The following UTRN variants were observed in gnomAD, a reference collection of about 807,000 sequenced individuals.
UTRN encodes the protein dystrophin-related protein 1.
A neutral mutation model predicts 463.9 loss-of-function variants in UTRN; 283 were observed. The ratio of observed to expected loss-of-function variants is 0.61; its 90% CI spans 0.55 to 0.67. UTRN has a LOEUF of 0.67. UTRN is among the 30% of genes least tolerant of loss of function. The pLI is 0.00. For missense variants in UTRN, 3,922 were observed against 4,084.3 expected (o/e 0.96, Z 1.08); for synonymous variants, 1,442 against 1,431.5 (o/e 1.01, Z -0.17).
chr6:144,778,283 G>A (rs1294753719), intron 60 of UTRN, among the ~76,000 whole-genome samples: 1 of 152,126 alleles, frequency 6.6e-6, no homozygotes, highest in African/African-American at 2.4e-5. Context: ...TTGGTAAATT[G>A]TGGCAGGTAG....
At chr6:144,673,814 A>C (rs1001765286) in intron 51 of UTRN, among the ~76,000 whole-genome samples, 2 of 152,136 alleles carry the variant, frequency 1.3e-5, no homozygotes, top group Non-Finnish European at 2.9e-5. Context: ...AGCACCTTTT[A>C]TGATTTCTCG....
At position 144,531,041 on chromosome 6, in the gene UTRN, T is replaced by C. The variant is rs1797012480; in HGVS notation, c.5907-11T>C. Reference sequence around the variant, plus strand: ...TTGGAAACCTATTTTATTTTGTGTATTGTCCTCTAGTTGTTTTGACAGGGC... The same window carrying C: ...TTGGAAACCTATTTTATTTTGTGTACTGTCCTCTAGTTGTTTTGACAGGGC... On this transcript the variant is annotated splice_polypyrimidine_tract_variant and intron_variant, in intron 41 of 74. Coordinates refer to ENST00000367545, the MANE Select transcript of UTRN (RefSeq NM_007124.3). 1 of 1,610,534 alleles carries C rather than the reference T, an allele frequency of 6.2e-7. No homozygotes were observed. Among genetic ancestry groups the C allele is most frequent in the Non-Finnish European group, 8.5e-7 (1 of 1,178,158 alleles).
At chr6:144,732,819 A>T (rs865969560) in intron 54 of UTRN, among the ~76,000 whole-genome samples, 1 of 152,014 alleles carries the variant, frequency 6.6e-6, no homozygotes, top group Non-Finnish European at 1.5e-5. Flanking sequence ...TCAAGTGATC[A>T]ATCCTCCCAC....
intron 39 of UTRN, among the ~76,000 whole-genome samples, chr6:144,520,362 G>C (rs1228324308): frequency 1.3e-5 from 2 of 151,906 alleles, no homozygotes; most frequent in African/African-American, 4.8e-5. Context: ...ATTCATAACT[G>C]GTTTCTGGGT....
At chr6:144,339,836 A>G (rs1441224081) in intron 2 of UTRN, among the ~76,000 whole-genome samples, 1 of 152,140 alleles carries the variant, frequency 6.6e-6, no homozygotes, top group African/African-American at 2.4e-5. Flanking sequence ...TTATATTCTG[A>G]TCTGAGAAAA....
chr6:144,328,847 G>A (rs1220266987), intron 2 of UTRN, among the ~76,000 whole-genome samples: 2 of 151,934 alleles, frequency 1.3e-5, no homozygotes, highest in Non-Finnish European at 2.9e-5. Context: ...GCAGTGGTGC[G>A]ATCTTGGCTC....
At chr6:144,759,468 G>A (rs1030636117) in intron 58 of UTRN, among the ~76,000 whole-genome samples, 7 of 152,004 alleles carry the variant, frequency 4.6e-5, no homozygotes, top group African/African-American at 1.7e-4. Flanking sequence ...ACTGTGGTAG[G>A]CAAAATAATA....
At chr6:144,783,436 A>T (rs1185608677) in intron 61 of UTRN, among the ~76,000 whole-genome samples, 2 of 152,044 alleles carry the variant, frequency 1.3e-5, no homozygotes, top group Admixed American at 6.6e-5. Context: ...TTTTTTTTCT[A>T]TTCCTTTTAG....
chr6:144,678,583 G>T lies in UTRN; in HGVS notation c.7652+5G>T, dbSNP rs373299490. 81 of 1,591,368 alleles carry T rather than the reference G, an allele frequency of 5.1e-5. No homozygotes were observed. In the African/African-American group the frequency reaches 9.9e-4, roughly 20 times the overall value. On this transcript the variant is annotated splice_donor_5th_base_variant and intron_variant, in intron 52 of 74. Transcript: ENST00000367545. The stretch of plus-strand genomic sequence containing the variant: ...AGCAAAATCTGCTAGCATCAGGTCA[G>T]AATAGTCAATATCAAAATAAAAATA...
At chr6:144,495,293 C>T (rs572268726) in intron 33 of UTRN, among the ~76,000 whole-genome samples, 28 of 152,326 alleles carry the variant, frequency 1.8e-4, no homozygotes, top group African/African-American at 6.0e-4. Flanking sequence ...AGCCCTGCCC[C>T]GCAGGAAGGC....
chr6:144,626,923 G>A (rs1271441914), intron 51 of UTRN, among the ~76,000 whole-genome samples: 2 of 152,258 alleles, frequency 1.3e-5, no homozygotes, highest in Non-Finnish European at 2.9e-5. Flanking sequence ...CACAGTCTGC[G>A]TTTGTGTTAC....
intron 39 of UTRN, 34 bp downstream of exon 39, chr6:144,516,982 A>G (rs9403563): frequency 0.062 from 86,494 of 1,402,578 alleles, 7,640 homozygotes; most frequent in East Asian, 0.54. Flanking sequence ...TTGCATTTAA[A>G]TACCTTACTT....
intron 51 of UTRN, among the ~76,000 whole-genome samples, chr6:144,676,632 C>T (rs556953312): frequency 3.3e-5 from 5 of 152,036 alleles, no homozygotes; most frequent in East Asian, 1.9e-4. Context: ...CCCATTAACC[C>T]GTCATCTACA....
In UTRN at chr6:144,842,308, G is replaced by A. The variant is rs193151184; in HGVS notation, c.10270+1476G>A. Among the ~76,000 whole-genome samples the A allele has an allele frequency of 1.6e-4, 25 of 152,114 alleles. No homozygotes were observed. The East Asian group carries it at 3.7e-3, about 22-fold the overall frequency. On this transcript the variant is annotated intron_variant, in intron 73 of 74. Transcript: ENST00000367545. ...TAAAATATATTTCTGGCCCAGGTGC[G>A]GTGGCTCATGCCTGTAATTCCAGCA...
intron 52 of UTRN, among the ~76,000 whole-genome samples, chr6:144,685,596 G>A (rs1782669285): frequency 6.6e-6 from 1 of 152,150 alleles, no homozygotes; most frequent in Admixed American, 6.5e-5. Context: ...GGTTTTACCA[G>A]CATTTCCCTG....
intron 17 of UTRN, among the ~76,000 whole-genome samples, chr6:144,450,209 G>T (rs1788124014): frequency 1.3e-5 from 2 of 152,084 alleles, no homozygotes; most frequent in Non-Finnish European, 2.9e-5. Flanking sequence ...ATAGAATCAT[G>T]TCAGTTCCAT....
chr6:144,554,698 C>G lies in UTRN; in HGVS notation c.6939C>G (p.Val2313=). ...RTAITEKLER[V]KNQWDGTQHG... is the part of the protein sequence containing the mutation. ...TAATGCTACCCTCAGTGGAAAGGGT[C>G]AAGAACCAGTGGGATGGCACCCAGC... The change falls in exon 49 of 75, where the codon GTC becomes GTG. Residue 2313 remains valine (V), a synonymous_variant. Coordinates refer to ENST00000367545, the MANE Select transcript of UTRN (RefSeq NM_007124.3). The G allele has an allele frequency of 1.2e-6, 2 of 1,613,658 alleles. No homozygotes were observed. The highest frequency in any genetic ancestry group is 8.5e-7 in the Non-Finnish European group (1 of 1,179,906).
At chr6:144,308,630 A>G (rs1444545630) in intron 2 of UTRN, among the ~76,000 whole-genome samples, 1 of 152,000 alleles carries the variant, frequency 6.6e-6, no homozygotes, top group Non-Finnish European at 1.5e-5. Flanking sequence ...ATTGAAGCAA[A>G]CCAAAGAGGA....
At chr6:144,357,147 G>A (rs978520791) in intron 2 of UTRN, among the ~76,000 whole-genome samples, 62 of 152,008 alleles carry the variant, frequency 4.1e-4, no homozygotes, top group African/African-American at 1.4e-3. Flanking sequence ...GGAGCACATG[G>A]GTGTGGAATT....
Sources: gnomAD v4.1 joint callset for allele counts (sites outside exome capture counted in the v4.1 genomes callset) on GRCh38, gnomAD v4.1.1 for gene constraint, MANE v1.5 for transcripts, NCBI Gene and HGNC (gene_info 2026-07-23, HGNC 2026-07-21) for gene names.